STIMATE: variants seen among roughly 807,000 people sequenced by gnomAD.
STIMATE encodes store-operated calcium entry regulator STIMATE.
In STIMATE, 15 loss-of-function variants were observed where a neutral mutation model predicts 36.7. The observed-to-expected ratio is 0.41, with a 90% confidence interval of 0.27 to 0.63. The LOEUF is 0.63. Ranked by LOEUF, STIMATE falls within the 20% of genes least tolerant of loss-of-function variation. The pLI, the probability that STIMATE is intolerant of heterozygous loss-of-function variation, is 0.32. For missense variants in STIMATE, 305 were observed against 397.3 expected, an observed-to-expected ratio of 0.77 and a Z score of 1.98; for synonymous variants, 163 against 162.3, an observed-to-expected ratio of 1.00 and a Z score of -0.03.
chr3:52,884,545 CAA>C (rs931311914), intron 1 of STIMATE, among the ~76,000 whole-genome samples: 2 of 152,186 alleles, frequency 1.3e-5, no homozygotes, highest in African/African-American at 4.8e-5. Context: ...CGCGCCCGCC[CAA>C]AAAGTCCTTT....
intron 4 of STIMATE, 87 bp from the exon 5 acceptor site, chr3:52,845,028 C>T: frequency 7.2e-7 from 1 of 1,390,622 alleles, no homozygotes; most frequent in South Asian, 1.3e-5. Flanking sequence ...ACACGCACCC[C>T]AGAACACTGG....
intron 1 of STIMATE, among the ~76,000 whole-genome samples, chr3:52,863,605 CAAA>C (rs55810997): frequency 6.6e-6 from 1 of 152,152 alleles, no homozygotes; most frequent in Non-Finnish European, 1.5e-5. Flanking sequence ...AACAGTCCCC[CAAA>C]AGTCTTAACT....
chr3:52,893,724 C>G (rs544073021), intron 1 of STIMATE, among the ~76,000 whole-genome samples: 2 of 152,294 alleles, frequency 1.3e-5, no homozygotes, highest in South Asian at 4.1e-4. Context: ...AAAACATGGA[C>G]ACATTTCTCC....
intron 6 of STIMATE, chr3:52,843,194 T>A (rs1476322288): frequency 1.3e-6 from 1 of 774,780 alleles, no homozygotes; most frequent in African/African-American, 1.8e-5. Flanking sequence ...TGACGGGTTT[T>A]TGTTGTGGTA....
rs2106745290 is a variant in STIMATE, at chr3:52,897,299, G to A, written c.152C>T (p.Thr51Met). 6.4e-7 allele frequency: 1 copy of A among 1,552,480 alleles called. No individual in the cohort carries two copies. The highest frequency in any genetic ancestry group is 8.6e-7 in the Non-Finnish European group (1 of 1,156,604). The change falls in exon 1 of 8, where the codon ACG becomes ATG. Residue 51 changes from threonine (T) to methionine (M), a missense_variant. By Grantham distance (81) the Thr-to-Met change is moderately conservative (BLOSUM62 -1). Transcript: ENST00000355083. The stretch of plus-strand genomic sequence containing the variant: ...GGGGGTCCCAGACTCACGCATTAAC[G>A]TGCTGAAGGCCACGACGCCGAGCAG... ...QGLLGVVAFS[T>M]LMLKRFREPK...
At chr3:52,891,265 T>C (rs1208337956) in intron 1 of STIMATE, among the ~76,000 whole-genome samples, 1 of 152,078 alleles carries the variant, frequency 6.6e-6, no homozygotes, top group East Asian at 1.9e-4. Context: ...GGACCCGGCT[T>C]ACATTTCAGT....
At position 52,855,447 on chromosome 3, in the gene STIMATE, G is replaced by A. The variant is rs145387116; in HGVS notation, c.161-3C>T. On this transcript the variant is annotated splice_polypyrimidine_tract_variant and splice_region_variant and intron_variant, in intron 1 of 7. Transcript: ENST00000355083. The stretch of plus-strand genomic sequence containing the variant: ...CTTTGGTTCTCTGAAGCGTTTGACT[G>A]AAAGAAAAGACAGACATCAGTAGTT... 24,019 of 1,613,868 alleles carry A rather than the reference G, an allele frequency of 0.015. 401 individuals carry two copies. The highest frequency in any genetic ancestry group is 0.014 in the Non-Finnish European group (16,951 of 1,179,960).
intron 7 of STIMATE, among the ~76,000 whole-genome samples, chr3:52,842,373 G>T (rs11719137): frequency 0.52 from 78,759 of 152,174 alleles, 21,607 homozygotes; most frequent in East Asian, 0.62. Context: ...GCAAGGTCTG[G>T]CTACCCCTAT....
chr3:52,861,389 C>T (rs1304508213), intron 1 of STIMATE, among the ~76,000 whole-genome samples: 4 of 152,194 alleles, frequency 2.6e-5, no homozygotes, highest in Non-Finnish European at 5.9e-5. Context: ...TAAGCAGACT[C>T]GCGGCCTTTT....
At chr3:52,855,354 A>G in intron 2 of STIMATE, 42 bp downstream of exon 2, 2 of 1,604,832 alleles carry the variant, frequency 1.2e-6, no homozygotes, top group South Asian at 2.2e-5. Flanking sequence ...CCCCCAACAT[A>G]GTCAAAAGCA....
chr3:52,851,266 T>C (rs560490635), intron 3 of STIMATE, among the ~76,000 whole-genome samples: 9 of 152,334 alleles, frequency 5.9e-5, no homozygotes, highest in African/African-American at 2.2e-4. Flanking sequence ...CTCTCCATGG[T>C]AGACAGAGTG....
chr3:52,843,575 C>A (rs1235011014), intron 6 of STIMATE, 146 bp downstream of exon 6: 1 of 1,247,958 alleles, frequency 8.0e-7, no homozygotes. Context: ...CCTGCCATTT[C>A]CAGGTCTGGG....
At chr3:52,872,634 T>G (rs1701426797) in intron 1 of STIMATE, among the ~76,000 whole-genome samples, 1 of 152,246 alleles carries the variant, frequency 6.6e-6, no homozygotes, top group African/African-American at 2.4e-5. Context: ...TTTTTTTAAT[T>G]TTATTTTTTG....
rs1575343226 is a variant in STIMATE, at chr3:52,875,017, G to GTTT, written c.161-19574_161-19573insAAA. Among the ~76,000 whole-genome samples, 4 of 152,308 alleles carry GTTT rather than the reference G, an allele frequency of 2.6e-5. No individual in the cohort carries two copies. The East Asian group carries it at 7.7e-4, about 29-fold the overall frequency. On this transcript the variant is annotated intron_variant, in intron 1 of 7. Transcript: ENST00000355083. ...CCAGCAGGCAGAACTCACGAGAGACGGAAAATGCGCCACTTTAGTCTGCAA... is the reference window on the plus strand; with the variant it reads ...CCAGCAGGCAGAACTCACGAGAGACGTTTGAAAATGCGCCACTTTAGTCTGCAA...
chr3:52,849,947 GAAGCCACGGGGCCAGAGGTC>G, intron 3 of STIMATE, 34 bp from the exon 4 acceptor site: 1 of 1,601,574 alleles, frequency 6.2e-7, no homozygotes, highest in Non-Finnish European at 8.5e-7. Flanking sequence ...GGTCACGGCA[GAAGCCACGGGGCCAGAGGTC>G]ATGGCTGATG....
chr3:52,843,228 G>A, intron 6 of STIMATE: 1 of 544,220 alleles, frequency 1.8e-6, no homozygotes, highest in African/African-American at 1.9e-5. Flanking sequence ...GCCTGTTTGG[G>A]GCCTGGAAGC....
chr3:52,873,195 C>T (rs1701438719), intron 1 of STIMATE, among the ~76,000 whole-genome samples: 2 of 152,182 alleles, frequency 1.3e-5, no homozygotes, highest in Admixed American at 6.5e-5. Context: ...CACTGCTTCC[C>T]CCAGGAGCAG....
At chr3:52,890,396 C>T (rs961776330) in intron 1 of STIMATE, among the ~76,000 whole-genome samples, 3 of 152,334 alleles carry the variant, frequency 2.0e-5, no homozygotes, top group Non-Finnish European at 4.4e-5. Flanking sequence ...CAAACTGAAC[C>T]GATGCAGTGG....
intron 1 of STIMATE, among the ~76,000 whole-genome samples, chr3:52,859,952 T>C (rs1701187376): frequency 6.6e-6 from 1 of 151,748 alleles, no homozygotes; most frequent in African/African-American, 2.4e-5. Context: ...AAGTTCAGAA[T>C]GGAATCAAAT....
Sources: gnomAD v4.1 joint callset for allele counts (sites outside exome capture counted in the v4.1 genomes callset) on GRCh38, gnomAD v4.1.1 for gene constraint, MANE v1.5 for transcripts, NCBI Gene and HGNC (gene_info 2026-07-23, HGNC 2026-07-21) for gene names.